Variants in KAZN observed in about 807,000 individuals in gnomAD.
The protein encoded by KAZN is kazrin.
KAZN carries 40 observed loss-of-function variants against 87.4 expected under a neutral mutation model. That is an observed-to-expected ratio of 0.46 (90% confidence interval 0.36 to 0.60). The LOEUF is 0.60. Among genes scored for constraint, KAZN ranks in the 20% least tolerant of loss-of-function variants. The pLI, the probability that KAZN is intolerant of heterozygous loss-of-function variation, is 0.00. For missense variants in KAZN, 898 were observed against 1,073.9 expected, an observed-to-expected ratio of 0.84 and a Z score of 2.29; for synonymous variants, 466 against 458.3, an observed-to-expected ratio of 1.02 and a Z score of -0.22.
intron 1 of KAZN, among the ~76,000 whole-genome samples, chr1:14,721,157 C>G (rs914065485): frequency 6.6e-6 from 1 of 152,200 alleles, no homozygotes; most frequent in Non-Finnish European, 1.5e-5. Context: ...ACCTAAATCT[C>G]GTCTTGAATT....
intron 1 of KAZN, among the ~76,000 whole-genome samples, chr1:14,849,156 C>T (rs763903420): frequency 1.3e-5 from 2 of 152,138 alleles, no homozygotes; most frequent in Non-Finnish European, 2.9e-5. Flanking sequence ...CAAGGGCCTG[C>T]GTTCATTCCG....
rs573584593 is a variant in KAZN, at chr1:14,307,454, T to C, written c.249+126862T>C. 2.6e-5 allele frequency among the ~76,000 whole-genome samples: 4 copies of C among 152,346 alleles called. No homozygotes were observed. The South Asian group carries it at 6.2e-4, about 24-fold the overall frequency. Reference sequence around the variant, plus strand: ...TCCAGACACTGTCTACATTAGGTCATGTCTACACCTATGCTACAACTCTGT... The same window carrying C: ...TCCAGACACTGTCTACATTAGGTCACGTCTACACCTATGCTACAACTCTGT... On this transcript the variant is annotated intron_variant, in intron 2 of 16. Transcript: ENST00000636203.
chr1:14,136,765 A>G (rs1198737265), intron 1 of KAZN, among the ~76,000 whole-genome samples: 2 of 152,126 alleles, frequency 1.3e-5, no homozygotes, highest in African/African-American at 4.8e-5. Flanking sequence ...AATGCTCCAA[A>G]TTGCAACTCT....
chr1:14,657,609 T>C (rs1270481988), intron 1 of KAZN, among the ~76,000 whole-genome samples: 2 of 152,202 alleles, frequency 1.3e-5, no homozygotes, highest in African/African-American at 4.8e-5. Context: ...CTCCCTATCA[T>C]GAGCATTCCT....
intron 1 of KAZN, among the ~76,000 whole-genome samples, chr1:14,767,241 A>T (rs181268453): frequency 1.2e-4 from 19 of 152,324 alleles, no homozygotes; most frequent in African/African-American, 4.6e-4. Flanking sequence ...TGACAATAGC[A>T]GCCTTCTTAT....
In KAZN at chr1:14,769,386, C is replaced by T. The variant is rs1265399624; in HGVS notation, c.226+170163C>T. Among the ~76,000 whole-genome samples, 2 of 152,162 alleles carry T rather than the reference C, an allele frequency of 1.3e-5. No homozygotes were observed. The highest frequency in any genetic ancestry group is 4.8e-5 in the African/African-American group (2 of 41,434). ...TTTCTTTTCTTGAGACGGAGTCGTG[C>T]TCTCGTTGCCCAGGCTGGAGTGCGA... is the stretch of plus-strand genomic sequence containing the variant. On this transcript the variant is annotated intron_variant, in intron 1 of 14. Coordinates refer to ENST00000376030, the MANE Select transcript of KAZN (RefSeq NM_201628.3). The surrounding 1 kb of genome is among the most constrained non-coding windows in gnomAD (Gnocchi z 4.1).
At chr1:14,289,113 A>G (rs982062248) in intron 2 of KAZN, among the ~76,000 whole-genome samples, 1 of 152,166 alleles carries the variant, frequency 6.6e-6, no homozygotes, top group African/African-American at 2.4e-5. Context: ...TATGTGGTCA[A>G]TTTTGGAATA....
intron 2 of KAZN, among the ~76,000 whole-genome samples, chr1:14,480,967 T>C (rs2148391185): frequency 6.7e-6 from 1 of 149,836 alleles, no homozygotes; most frequent in South Asian, 2.1e-4. Flanking sequence ...TACTTATATA[T>C]ATTTATATTA....
chr1:14,004,950 G>A (rs1016090283), intron 1 of KAZN, among the ~76,000 whole-genome samples: 56 of 151,570 alleles, frequency 3.7e-4, no homozygotes, highest in African/African-American at 1.3e-3. Context: ...GCCACCCGAT[G>A]CCCTGTGCCA....
At chr1:13,952,869 G>A (rs915054286) in intron 1 of KAZN, among the ~76,000 whole-genome samples, 15 of 152,098 alleles carry the variant, frequency 9.9e-5, no homozygotes, top group African/African-American at 2.9e-4. Context: ...CCACTTAGTC[G>A]CCTTTAAAAT....
rs111640241 is a variant in KAZN at position 15,058,027 on chromosome 1, C to A, written c.916+1747C>A. 8.4e-3 allele frequency among the ~76,000 whole-genome samples: 1,279 copies of A among 152,328 alleles called. 16 individuals are homozygous for A. Among genetic ancestry groups the A allele is most frequent in the South Asian group, 0.042 (204 of 4,826 alleles). On this transcript the variant is annotated intron_variant, in intron 5 of 14. Transcript: ENST00000376030. ...ATCTCCATGCATTTTATCAGACACCCCCTCCTCCAGGAAGCCTTCCGTGCT... is the reference window on the plus strand; with the variant it reads ...ATCTCCATGCATTTTATCAGACACCACCTCCTCCAGGAAGCCTTCCGTGCT...
At chr1:15,051,046 C>T (rs775990430) in intron 4 of KAZN, among the ~76,000 whole-genome samples, 2 of 152,230 alleles carry the variant, frequency 1.3e-5, no homozygotes, top group African/African-American at 4.8e-5. Flanking sequence ...GCCTTGTGCC[C>T]GCTCAGTGCC....
chr1:14,961,073 G>T (rs761106536), intron 2 of KAZN, among the ~76,000 whole-genome samples, 198 bp downstream of exon 2: 1 of 152,220 alleles, frequency 6.6e-6, no homozygotes. Flanking sequence ...CCTTCCTCCA[G>T]TGTGACCATC....
intron 2 of KAZN, among the ~76,000 whole-genome samples, chr1:14,283,669 A>G (rs1653022938): frequency 6.6e-6 from 1 of 152,200 alleles, no homozygotes; most frequent in South Asian, 2.1e-4. Flanking sequence ...CCCTTTGGGA[A>G]CAATCTGCCA....
intron 1 of KAZN, among the ~76,000 whole-genome samples, chr1:14,141,233 ATT>A (rs35422014): frequency 2.8e-5 from 4 of 143,392 alleles, no homozygotes; most frequent in Admixed American, 7.0e-5. Context: ...AGTGATTACC[ATT>A]TAAAAAAAAA....
intron 2 of KAZN, among the ~76,000 whole-genome samples, chr1:15,015,944 C>G (rs543315449): frequency 6.6e-6 from 1 of 152,308 alleles, no homozygotes; most frequent in South Asian, 2.1e-4. Context: ...CACTTAACCC[C>G]GTCCCTGCTC....
At chr1:14,039,839 A>AT (rs1641723203) in intron 1 of KAZN, among the ~76,000 whole-genome samples, 4 of 152,114 alleles carry the variant, frequency 2.6e-5, no homozygotes, top group Admixed American at 2.6e-4. Context: ...GATTATCTAG[A>AT]TTTTTCTACA....
At chr1:14,307,440 T>A (rs1655006231) in intron 2 of KAZN, among the ~76,000 whole-genome samples, 1 of 152,206 alleles carries the variant, frequency 6.6e-6, no homozygotes, top group Admixed American at 6.5e-5. Context: ...CCAGACACTG[T>A]CTACATTAGG....
chr1:14,369,885 A>G (rs954217949), intron 2 of KAZN, among the ~76,000 whole-genome samples: 1 of 152,208 alleles, frequency 6.6e-6, no homozygotes, highest in Non-Finnish European at 1.5e-5. Context: ...TGCTTAGTCT[A>G]AGTCACTATC....
Sources: gnomAD v4.1 joint callset for allele counts (sites outside exome capture counted in the v4.1 genomes callset) on GRCh38, gnomAD v4.1.1 for gene constraint, Gnocchi (gnomAD v3.1) non-coding constraint, MANE v1.5 for transcripts, NCBI Gene and HGNC (gene_info 2026-07-23, HGNC 2026-07-21) for gene names.